COG2: variants seen among roughly 807,000 people sequenced by gnomAD.
COG2 encodes the protein component of oligomeric golgi complex 2.
COG2 carries 52 observed loss-of-function variants against 90.6 expected under a neutral mutation model. That is an observed-to-expected ratio of 0.57 (90% CI 0.46 to 0.72). The LOEUF (loss-of-function observed/expected upper bound fraction) is 0.72. Among genes scored for constraint, COG2 ranks in the 30% least tolerant of loss-of-function variants. The pLI, the probability that COG2 is intolerant of heterozygous loss-of-function variation, is 0.00. For synonymous variants in COG2, 337 were observed against 320.4 expected, an observed-to-expected ratio of 1.05 and a Z score of -0.55; for missense variants, 829 against 891.2, an observed-to-expected ratio of 0.93 and a Z score of 0.89.
Position 230,669,433 on chromosome 1 carries a change from C to T in COG2, c.672C>T (p.Val224=), listed in dbSNP as rs186499102. The change falls in exon 7 of 18, where the codon GTC becomes GTT. Residue 224 remains valine, a synonymous_variant. Coordinates refer to ENST00000366669, the MANE Select transcript of COG2 (RefSeq NM_007357.3). ...TAGAAGGCCTTCAGACGTCTGACGTCGATATAATACGGCACTGCTTGCGGA... is the reference window on the plus strand; with the variant it reads ...TAGAAGGCCTTCAGACGTCTGACGTTGATATAATACGGCACTGCTTGCGGA... The part of the protein sequence containing the change: ...LLLEGLQTSD[V]DIIRHCLRTY... 8.1e-6 allele frequency: 13 copies of T among 1,613,984 alleles called. No homozygotes were observed. In the East Asian group the frequency reaches 8.9e-5, roughly 11 times the overall value.
chr1:230,684,772 A>C (rs1190904252), intron 11 of COG2, among the ~76,000 whole-genome samples: 3 of 152,256 alleles, frequency 2.0e-5, no homozygotes, highest in Non-Finnish European at 4.4e-5. Context: ...TTGCCACTCC[A>C]GCCCATGTTT....
At chr1:230,691,702 T>C in intron 17 of COG2, 138 bp downstream of exon 17, 4 of 755,338 alleles carry the variant, frequency 5.3e-6, no homozygotes, top group Non-Finnish European at 8.4e-6. Context: ...AGACTAGGAG[T>C]CGGGGCTCCC....
chr1:230,689,015 G>T lies in COG2; in HGVS notation c.1794+453G>T, dbSNP rs149485804. Among the ~76,000 whole-genome samples, 511 of 151,818 alleles carry T rather than the reference G, an allele frequency of 3.4e-3. 2 individuals carry two copies. Among genetic ancestry groups the T allele is most frequent in the African/African-American group, 0.012 (480 of 41,380 alleles). On this transcript the variant is annotated intron_variant, in intron 15 of 17. Transcript: ENST00000366669. ...CCAACTGTGGATCGAAAATATTTAG[G>T]GGGAAAAAAAACTACAACAATAAAA...
chr1:230,690,357 C>G (rs1189210301), intron 16 of COG2: 1 of 476,782 alleles, frequency 2.1e-6, no homozygotes, highest in Non-Finnish European at 3.7e-6. Context: ...CTTCCTCTGC[C>G]TGGGCTTCAG....
chr1:230,688,690 G>A (rs1662948226), intron 15 of COG2, 128 bp downstream of exon 15: 1 of 1,056,452 alleles, frequency 9.5e-7, no homozygotes, highest in African/African-American at 1.6e-5. Flanking sequence ...ATCCCATTCT[G>A]AGAATGGTAT....
chr1:230,656,223 T>G (rs993494583), intron 1 of COG2, among the ~76,000 whole-genome samples: 1 of 152,196 alleles, frequency 6.6e-6, no homozygotes, highest in Non-Finnish European at 1.5e-5. Flanking sequence ...AGATCTTTCC[T>G]CCTTTCACTT....
chr1:230,653,221 G>GT (rs112155610), intron 1 of COG2, among the ~76,000 whole-genome samples: 15,012 of 137,778 alleles, frequency 0.11, 1,263 homozygotes, highest in East Asian at 0.24. Context: ...TTCATTTTTT[G>GT]TTTTTTTTTT....
At position 230,686,726 on chromosome 1, in the gene COG2, T is replaced by C. The variant is rs202023373; in HGVS notation, c.1381-209T>C. Among the ~76,000 whole-genome samples, 8 of 152,190 alleles carry C rather than the reference T, an allele frequency of 5.3e-5. No individual in the cohort carries two copies. In the East Asian group the frequency reaches 1.5e-3, roughly 29 times the overall value. ...ACAAGTTCCAGAAGGTAAATGTACC[T>C]GGGGCCGTAGTTTGTCCTTGTTTCT... On this transcript the variant is annotated intron_variant, in intron 12 of 17. Coordinates refer to ENST00000366669, the MANE Select transcript of COG2 (RefSeq NM_007357.3).
intron 5 of COG2, among the ~76,000 whole-genome samples, chr1:230,666,741 C>A (rs1662330945): frequency 6.6e-6 from 1 of 152,102 alleles, no homozygotes; most frequent in Non-Finnish European, 1.5e-5. Context: ...CTTTCACCTG[C>A]CCGATTTCTC....
intron 9 of COG2, chr1:230,678,567 G>A: frequency 8.4e-7 from 1 of 1,193,890 alleles, no homozygotes; most frequent in Non-Finnish European, 1.1e-6. Context: ...GTGAGGCAAT[G>A]ACGAACTATG....
In COG2 at chr1:230,669,403, C is replaced by T. The variant is rs752840018; in HGVS notation, c.642C>T (p.Leu214=). 58 of 1,613,872 alleles carry T rather than the reference C, an allele frequency of 3.6e-5. No homozygotes were observed. The highest frequency in any genetic ancestry group is 4.6e-5 in the Non-Finnish European group (54 of 1,179,876). ...TAMLQQSLEG[L]LLEGLQTSDV... is the part of the protein sequence containing the mutation. The stretch of plus-strand genomic sequence containing the variant: ...TGTTACAGCAGTCACTGGAAGGTCT[C>T]CTATTAGAAGGCCTTCAGACGTCTG... The change falls in exon 7 of 18, where the codon CTC becomes CTT. Residue 214 remains leucine, a synonymous_variant. Coordinates refer to ENST00000366669, the MANE Select transcript of COG2 (RefSeq NM_007357.3).
At chr1:230,671,310 C>T (rs975335218) in intron 7 of COG2, 3 of 333,622 alleles carry the variant, frequency 9.0e-6, no homozygotes, top group African/African-American at 4.3e-5. Context: ...ATGTCTCCCC[C>T]ACAGTTGTAT....
At position 230,688,501 on chromosome 1, in the gene COG2, C is replaced by T. The variant is rs1300807503; in HGVS notation, c.1733C>T (p.Ser578Phe). Reference protein sequence around the residue: ...SSKIIQDLSDSCFGFLKSALE... With the variant: ...SSKIIQDLSDFCFGFLKSALE... ...AAGATCATCCAGGATTTAAGTGACTCTTGCTTCGGTTTCCTAAAAAGCGCC... is the reference window on the plus strand; with the variant it reads ...AAGATCATCCAGGATTTAAGTGACTTTTGCTTCGGTTTCCTAAAAAGCGCC... The change falls in exon 15 of 18, where the codon TCT becomes TTT. Residue 578 changes from serine to phenylalanine, a missense_variant. Transcript: ENST00000366669. 1.9e-6 allele frequency: 3 copies of T among 1,614,120 alleles called. No homozygotes were observed. Among genetic ancestry groups the T allele is most frequent in the Admixed American group, 3.3e-5 (2 of 60,016 alleles).
At chr1:230,678,305 GGATGATGAT>G in intron 9 of COG2, 3 of 962,010 alleles carry the variant, frequency 3.1e-6, no homozygotes, top group South Asian at 9.7e-5. Flanking sequence ...TGTAAAATGG[GGATGATGAT>G]GATGATGATG....
At position 230,668,624 on chromosome 1, in the gene COG2, G is replaced by A. The variant is rs372943424; in HGVS notation, c.486-52G>A. 1.3e-4 allele frequency: 146 copies of A among 1,116,840 alleles called. 1 individual carries two copies. The African/African-American group carries it at 1.5e-3, about 11-fold the overall frequency. The allele number at this position is 1,116,840 out of a possible 1,614,324, so 69.2% of individuals were successfully genotyped here. A position where few individuals can be genotyped will look rare whatever the true frequency, so the allele number is the denominator to read the frequency against. On this transcript the variant is annotated intron_variant, in intron 5 of 17. Transcript: ENST00000366669. Reference sequence around the variant, plus strand: ...ACTGCCAGGCGTGTGATGTATTCTCGTGGAAATAGAGACCTTAGGGGTTAC... The same window carrying A: ...ACTGCCAGGCGTGTGATGTATTCTCATGGAAATAGAGACCTTAGGGGTTAC...
chr1:230,673,512 C>A lies in COG2; in HGVS notation c.900-1486C>A, dbSNP rs113822026. Among the ~76,000 whole-genome samples the A allele has an allele frequency of 4.1e-3, 622 of 152,330 alleles. 3 individuals carry two copies. Among genetic ancestry groups the A allele is most frequent in the Non-Finnish European group, 6.9e-3 (466 of 68,028 alleles). On this transcript the variant is annotated intron_variant, in intron 8 of 17. Coordinates refer to ENST00000366669, the MANE Select transcript of COG2 (RefSeq NM_007357.3). ...CTTTTCTAATCCATCAACTGTTAAT[C>A]TTGCAGGTTTTACATTCTCTCTTTG...
At position 230,663,278 on chromosome 1, in the gene COG2, C is replaced by G. The variant is rs1662235868; in HGVS notation, c.381+57C>G. ...GATTCACTGTAGCACCTTGTAGTAA[C>G]AAGCACTTTCAGGCATATGGTCTGA... On this transcript the variant is annotated intron_variant, in intron 4 of 17. Transcript: ENST00000366669. The G allele has an allele frequency of 1.7e-5, 23 of 1,369,208 alleles. 2 individuals are homozygous for G. In the South Asian group the frequency reaches 2.7e-4, roughly 16 times the overall value. The allele number at this position is 1,369,208 out of a possible 1,614,324, so 84.8% of individuals were successfully genotyped here.
Position 230,678,760 on chromosome 1 carries a change from C to T in COG2, c.1027-153C>T, listed in dbSNP as rs1052805429. On this transcript the variant is annotated intron_variant, in intron 9 of 17. Coordinates refer to ENST00000366669, the MANE Select transcript of COG2 (RefSeq NM_007357.3). ...GCATTTATGTATCTTTAAATGGGGACATTGGAAGAAAGATCTTGTAAGTTC... is the reference window on the plus strand; with the variant it reads ...GCATTTATGTATCTTTAAATGGGGATATTGGAAGAAAGATCTTGTAAGTTC... 1.6e-5 allele frequency: 24 copies of T among 1,532,102 alleles called. 1 individual carries two copies. In the Admixed American group the frequency reaches 3.3e-4, roughly 21 times the overall value. The allele number at this position is 1,532,102 out of a possible 1,614,324, so 94.9% of individuals were successfully genotyped here. A position where few individuals can be genotyped will look rare whatever the true frequency, so the allele number is the denominator to read the frequency against.
intron 1 of COG2, among the ~76,000 whole-genome samples, chr1:230,658,297 C>G (rs1047481283): frequency 2.6e-5 from 4 of 152,162 alleles, no homozygotes; most frequent in Non-Finnish European, 5.9e-5. Context: ...TTCTTTCTGA[C>G]AGTCAGGCCC....
Sources: allele counts gnomAD v4.1 joint callset (sites outside exome capture counted in the v4.1 genomes callset), GRCh38; gene constraint gnomAD v4.1.1; transcripts MANE v1.5; gene names NCBI Gene and HGNC (gene_info 2026-07-23, HGNC 2026-07-21).